Variants in DAP observed in about 807,000 individuals in gnomAD.
The protein encoded by DAP is death associated protein, also known as death-associated protein 1.
Under a neutral mutation model 13.8 loss-of-function variants are expected in DAP, and 8 were observed. That is an observed-to-expected ratio of 0.58 (90% CI 0.34 to 1.05). The LOEUF (loss-of-function observed/expected upper bound fraction) is 1.05. Ranked by LOEUF, DAP falls within the 50% of genes least tolerant of loss-of-function variation. The probability of loss-of-function intolerance (pLI) is 0.03; values close to 1 mark genes in which losing one functional copy is unlikely to be tolerated. For missense variants in DAP, 106 were observed against 133.2 expected (o/e 0.80, Z 1.01); for synonymous variants, 47 against 47.5 (o/e 0.99, Z 0.04).
chr5:10,697,095 G>A (rs1043017271), intron 2 of DAP, among the ~76,000 whole-genome samples: 1 of 152,158 alleles, frequency 6.6e-6, no homozygotes, highest in Non-Finnish European at 1.5e-5. Context: ...GGAACATACT[G>A]GGGGGAAGCC....
At chr5:10,758,229 T>C (rs1740243525) in intron 1 of DAP, among the ~76,000 whole-genome samples, 1 of 150,790 alleles carries the variant, frequency 6.6e-6, no homozygotes, top group Non-Finnish European at 1.5e-5. Context: ...TTTTAAAAAC[T>C]ATCTACCCTT....
intron 1 of DAP, among the ~76,000 whole-genome samples, chr5:10,760,199 G>T (rs974089743): frequency 6.6e-5 from 10 of 152,296 alleles, no homozygotes; most frequent in African/African-American, 1.9e-4. Flanking sequence ...TCCATACATT[G>T]AAGTGACTTG....
chr5:10,756,288 T>A (rs1740179548), intron 1 of DAP, among the ~76,000 whole-genome samples: 1 of 127,796 alleles, frequency 7.8e-6, no homozygotes, highest in Admixed American at 7.7e-5. Context: ...GACCATTCAA[T>A]TTCTGGTCCT....
intron 2 of DAP, among the ~76,000 whole-genome samples, chr5:10,702,036 A>G (rs1738591701): frequency 6.6e-6 from 1 of 152,128 alleles, no homozygotes; most frequent in African/African-American, 2.4e-5. Flanking sequence ...GGCAGGACTT[A>G]TACTTTCCCA....
intron 2 of DAP, among the ~76,000 whole-genome samples, chr5:10,735,255 G>A (rs267964): frequency 0.84 from 128,190 of 152,132 alleles, 54,620 homozygotes; most frequent in Non-Finnish European, 0.91. Context: ...AAAGGGAAGC[G>A]CTCCTGCCTG....
In DAP at chr5:10,683,839, G is replaced by GT. The variant is rs201826257; in HGVS notation, c.153-269dup. Among the ~76,000 whole-genome samples, 918 of 152,058 alleles carry GT rather than the reference G, an allele frequency of 6.0e-3. 15 individuals carry two copies. The highest frequency in any genetic ancestry group is 0.021 in the African/African-American group (864 of 41,496). ...TTGCCTTCAACCACTTTCTATTTGT[G>GT]TTTTTTTTAGGGACAGGGTCTCTGT... On this transcript the variant is annotated intron_variant, in intron 2 of 3. Coordinates refer to ENST00000230895, the MANE Select transcript of DAP (RefSeq NM_004394.3).
At position 10,754,582 on chromosome 5, in the gene DAP, C is replaced by T. The variant is rs540043676; in HGVS notation, c.56-6311G>A. On this transcript the variant is annotated intron_variant, in intron 1 of 3. Coordinates refer to ENST00000230895, the MANE Select transcript of DAP (RefSeq NM_004394.3). ...TTCCATCCTTGACATAGTTTCTGAC[C>T]CAAAGGACAAAATGAGTACTGACTG... 2.6e-5 allele frequency among the ~76,000 whole-genome samples: 4 copies of T among 152,210 alleles called. No homozygotes were observed. The South Asian group carries it at 6.2e-4, about 24-fold the overall frequency.
intron 2 of DAP, among the ~76,000 whole-genome samples, chr5:10,690,667 A>G (rs1417201978): frequency 6.6e-6 from 1 of 152,172 alleles, no homozygotes; most frequent in Non-Finnish European, 1.5e-5. Context: ...TCCACTGTAC[A>G]GACAGACCAC....
intron 2 of DAP, among the ~76,000 whole-genome samples, chr5:10,717,591 C>A (rs1739023354): frequency 6.6e-6 from 1 of 152,198 alleles, no homozygotes; most frequent in South Asian, 2.1e-4. Flanking sequence ...CCTGCGCTGC[C>A]TGAGGGAACA....
intron 1 of DAP, among the ~76,000 whole-genome samples, chr5:10,760,282 G>A (rs1042142042): frequency 3.3e-5 from 5 of 152,176 alleles, no homozygotes; most frequent in African/African-American, 1.2e-4. Flanking sequence ...CTGGAAAGGA[G>A]AGTAGAAACG....
chr5:10,743,501 T>C (rs1364794196), intron 2 of DAP, among the ~76,000 whole-genome samples: 1 of 152,232 alleles, frequency 6.6e-6, no homozygotes, highest in Non-Finnish European at 1.5e-5. Flanking sequence ...CATCCACCAC[T>C]TGTCAGTGAC....
chr5:10,740,059 G>A (rs942695296), intron 2 of DAP, among the ~76,000 whole-genome samples: 2 of 152,162 alleles, frequency 1.3e-5, no homozygotes, highest in African/African-American at 4.8e-5. Flanking sequence ...AAATAACTGT[G>A]ATAAATATCT....
chr5:10,724,974 C>T (rs1739249788), intron 2 of DAP, among the ~76,000 whole-genome samples: 2 of 152,184 alleles, frequency 1.3e-5, no homozygotes, highest in Admixed American at 1.3e-4. Flanking sequence ...CCTCCCCCCT[C>T]TCCCCTTCAG....
chr5:10,703,996 C>A (rs1441766202), intron 2 of DAP, among the ~76,000 whole-genome samples: 1 of 152,222 alleles, frequency 6.6e-6, no homozygotes, highest in African/African-American at 2.4e-5. Flanking sequence ...GAGGGCTGGG[C>A]AACCTCTTGC....
intron 1 of DAP, among the ~76,000 whole-genome samples, chr5:10,757,638 T>C (rs76436740): frequency 0.019 from 2,904 of 152,286 alleles, 66 homozygotes; most frequent in African/African-American, 0.062. Context: ...GGTGATTTCA[T>C]GAGTTAAACG....
At chr5:10,714,313 T>C (rs1323484619) in intron 2 of DAP, among the ~76,000 whole-genome samples, 2 of 152,188 alleles carry the variant, frequency 1.3e-5, no homozygotes, top group African/African-American at 4.8e-5. Context: ...GTGCCTGTAA[T>C]TTTTTCATCA....
At chr5:10,695,705 C>G (rs189209895) in intron 2 of DAP, among the ~76,000 whole-genome samples, 147 of 152,268 alleles carry the variant, frequency 9.7e-4, no homozygotes, top group Non-Finnish European at 4.7e-4. Flanking sequence ...GATTTCAGGA[C>G]AAAACTTCAT....
At chr5:10,695,442 G>T (rs977244116) in intron 2 of DAP, among the ~76,000 whole-genome samples, 2 of 152,208 alleles carry the variant, frequency 1.3e-5, no homozygotes, top group Non-Finnish European at 2.9e-5. Flanking sequence ...TTCTAAACCC[G>T]AGAGAAAATA....
chr5:10,752,560 C>G (rs1011906020), intron 1 of DAP, among the ~76,000 whole-genome samples: 3 of 152,190 alleles, frequency 2.0e-5, no homozygotes, highest in Admixed American at 2.0e-4. Context: ...AATAAGCTTC[C>G]TCTTAGCAGA....
Sources: gnomAD v4.1 joint callset for allele counts (sites outside exome capture counted in the v4.1 genomes callset) on GRCh38, gnomAD v4.1.1 for gene constraint, MANE v1.5 for transcripts, NCBI Gene and HGNC (gene_info 2026-07-23, HGNC 2026-07-21) for gene names.